Variants in FRMD4A observed in about 807,000 individuals in gnomAD.
The protein encoded by FRMD4A is FERM domain-containing protein 4A.
Under a neutral mutation model 129.1 loss-of-function variants are expected in FRMD4A, and 29 were observed. The observed-to-expected ratio is 0.22, with a 90% CI of 0.17 to 0.31. The LOEUF (loss-of-function observed/expected upper bound fraction) is 0.31, where lower values mean the gene tolerates loss of function less well. FRMD4A is among the 10% of genes least tolerant of loss of function. The pLI is 1.00. For missense variants in FRMD4A, 1,272 were observed against 1,375.8 expected (o/e 0.92, Z 1.19); for synonymous variants, 634 against 571.6 (o/e 1.11, Z -1.56).
chr10:13,985,768 C>G (rs903340324), intron 2 of FRMD4A, among the ~76,000 whole-genome samples: 1 of 152,214 alleles, frequency 6.6e-6, no homozygotes, highest in African/African-American at 2.4e-5. Context: ...CTGGCCCATC[C>G]TAAGCCTTTG....
At chr10:14,223,746 GAAAAAA>G (rs1160672002) in intron 2 of FRMD4A, among the ~76,000 whole-genome samples, 1 of 63,248 alleles carries the variant, frequency 1.6e-5, no homozygotes, top group Non-Finnish European at 3.2e-5. Context: ...GTCTCAAAAT[GAAAAAA>G]AAAAAAAAAA....
chr10:14,132,816 A>G (rs932147186), intron 2 of FRMD4A, among the ~76,000 whole-genome samples: 5 of 152,226 alleles, frequency 3.3e-5, no homozygotes, highest in Non-Finnish European at 7.3e-5. Context: ...GGAGTCACAC[A>G]CGATGAATGG....
intron 2 of FRMD4A, among the ~76,000 whole-genome samples, chr10:14,096,290 C>T (rs1017413614): frequency 6.6e-6 from 1 of 152,212 alleles, no homozygotes; most frequent in Non-Finnish European, 1.5e-5. Flanking sequence ...GACACCAGAT[C>T]TGCTGTTGCC....
At chr10:14,047,544 A>C (rs1834040677) in intron 2 of FRMD4A, among the ~76,000 whole-genome samples, 2 of 152,180 alleles carry the variant, frequency 1.3e-5, no homozygotes, top group Admixed American at 6.5e-5. Flanking sequence ...GCTGATTATC[A>C]GCTGATGGGG....
chr10:14,086,851 G>T (rs766360012), intron 2 of FRMD4A, among the ~76,000 whole-genome samples: 1 of 152,202 alleles, frequency 6.6e-6, no homozygotes, highest in African/African-American at 2.4e-5. Context: ...GCCACTAACA[G>T]CAGGGAGTTG....
At chr10:13,696,196 G>A (rs1197877098) in intron 14 of FRMD4A, among the ~76,000 whole-genome samples, 1 of 152,300 alleles carries the variant, frequency 6.6e-6, no homozygotes, top group Non-Finnish European at 1.5e-5. Flanking sequence ...TTGGCTTGCC[G>A]CAGAAGGAAG....
At chr10:13,873,969 G>C (rs2094464659) in intron 2 of FRMD4A, among the ~76,000 whole-genome samples, 1 of 151,920 alleles carries the variant, frequency 6.6e-6, no homozygotes, top group Admixed American at 6.6e-5. Flanking sequence ...GATGCTGGTT[G>C]GGTGTGGTGG....
At chr10:13,824,614 T>C (rs1297829844) in intron 3 of FRMD4A, among the ~76,000 whole-genome samples, 1 of 152,084 alleles carries the variant, frequency 6.6e-6, no homozygotes, top group African/African-American at 2.4e-5. Flanking sequence ...GAGTAACAGC[T>C]GGGTACGGTG....
chr10:13,703,007 C>A (rs562038498), intron 13 of FRMD4A, among the ~76,000 whole-genome samples: 1 of 151,786 alleles, frequency 6.6e-6, no homozygotes, highest in African/African-American at 2.4e-5. Flanking sequence ...GGAGATCCCT[C>A]GCCAGTCTCT....
At chr10:13,834,465 G>A (rs917621641) in intron 3 of FRMD4A, among the ~76,000 whole-genome samples, 1 of 152,166 alleles carries the variant, frequency 6.6e-6, no homozygotes, top group African/African-American at 2.4e-5. Flanking sequence ...TCTTCTCCAG[G>A]AGGGAGAAAA....
chr10:13,684,597 G>T, intron 15 of FRMD4A: 1 of 985,400 alleles, frequency 1.0e-6, no homozygotes, highest in Non-Finnish European at 1.2e-6. Flanking sequence ...AGCCAGAAAT[G>T]CTCCAATTGT....
chr10:14,018,133 A>T (rs2095704919), intron 2 of FRMD4A, among the ~76,000 whole-genome samples: 1 of 152,058 alleles, frequency 6.6e-6, no homozygotes, highest in African/African-American at 2.4e-5. Flanking sequence ...TCTGTCTGTG[A>T]GAACAAGGGT....
At chr10:14,111,832 T>C (rs117069672) in intron 2 of FRMD4A, among the ~76,000 whole-genome samples, 3,045 of 151,320 alleles carry the variant, frequency 0.02, 70 homozygotes, top group Non-Finnish European at 0.026. Flanking sequence ...TGGTGTGTGC[T>C]GTGGAGGGGG....
intron 2 of FRMD4A, among the ~76,000 whole-genome samples, chr10:14,040,393 T>C (rs1833733101): frequency 6.6e-6 from 1 of 152,144 alleles, no homozygotes; most frequent in Non-Finnish European, 1.5e-5. Flanking sequence ...GGAAAATGTT[T>C]GGTATTCATT....
chr10:14,074,004 G>A (rs543738396), intron 2 of FRMD4A, among the ~76,000 whole-genome samples: 1 of 152,114 alleles, frequency 6.6e-6, no homozygotes, highest in African/African-American at 2.4e-5. Flanking sequence ...CCAGCTACTC[G>A]GGAGGCTGAG....
At chr10:14,185,630 T>A (rs117624389) in intron 2 of FRMD4A, among the ~76,000 whole-genome samples, 2 of 152,136 alleles carry the variant, frequency 1.3e-5, no homozygotes, top group South Asian at 2.1e-4. Flanking sequence ...ATATACTTCA[T>A]GGTCAGAGAG....
chr10:14,100,963 A>G (rs569123302), intron 2 of FRMD4A, among the ~76,000 whole-genome samples: 2 of 152,206 alleles, frequency 1.3e-5, no homozygotes, highest in East Asian at 3.9e-4. Context: ...GGTCCTCACA[A>G]CGTGTGGGTT....
At chr10:13,965,053 T>G (rs1469341982) in intron 2 of FRMD4A, among the ~76,000 whole-genome samples, 1 of 146,846 alleles carries the variant, frequency 6.8e-6, no homozygotes, top group Non-Finnish European at 1.5e-5. Context: ...AACATTGGAA[T>G]GACCACTGGG....
At chr10:14,228,627 C>T (rs1211693767) in intron 2 of FRMD4A, among the ~76,000 whole-genome samples, 1 of 152,154 alleles carries the variant, frequency 6.6e-6, no homozygotes, top group Non-Finnish European at 1.5e-5. Context: ...AGACTTTTAA[C>T]CTGCAGCAAA....
Sources: allele counts gnomAD v4.1 joint callset (sites outside exome capture counted in the v4.1 genomes callset), GRCh38; gene constraint gnomAD v4.1.1; transcripts MANE v1.5; gene names NCBI Gene and HGNC (gene_info 2026-07-23, HGNC 2026-07-21).